Variants in NAV2 observed in about 807,000 individuals in gnomAD.
NAV2 encodes the protein neuron navigator 2.
A neutral mutation model predicts 223.2 loss-of-function variants in NAV2; 54 were observed. The observed-to-expected ratio is 0.24, with a 90% CI of 0.19 to 0.30. NAV2 has a LOEUF of 0.30. NAV2 is among the 10% of genes least tolerant of loss of function. The probability of loss-of-function intolerance (pLI) is 1.00; values close to 1 mark genes in which losing one functional copy is unlikely to be tolerated. For synonymous variants in NAV2, 1,279 were observed against 1,239.3 expected, an observed-to-expected ratio of 1.03 and a Z score of -0.67; for missense variants, 2,806 against 3,147.5, an observed-to-expected ratio of 0.89 and a Z score of 2.60.
chr11:19,949,517 ACT>A (rs921234130), intron 10 of NAV2, among the ~76,000 whole-genome samples: 1 of 151,920 alleles, frequency 6.6e-6, no homozygotes, highest in African/African-American at 2.4e-5. Flanking sequence ...ACAGCCTTGC[ACT>A]CTGTTTCTCA....
chr11:19,907,000 G>C (rs957698693), intron 6 of NAV2, among the ~76,000 whole-genome samples: 3 of 152,346 alleles, frequency 2.0e-5, no homozygotes, highest in Admixed American at 6.5e-5. Context: ...TTTGATGGCT[G>C]TGTGGCTTTG....
At chr11:19,413,818 C>G (rs1166744906) in intron 1 of NAV2, among the ~76,000 whole-genome samples, 1 of 152,116 alleles carries the variant, frequency 6.6e-6, no homozygotes, top group Non-Finnish European at 1.5e-5. Flanking sequence ...TCATATCCAG[C>G]CAAACTAAGC....
intron 1 of NAV2, among the ~76,000 whole-genome samples, chr11:19,418,250 AG>A (rs2133463419): frequency 6.6e-6 from 1 of 152,332 alleles, no homozygotes; most frequent in Non-Finnish European, 1.5e-5. Context: ...CCTATTTGAC[AG>A]GCTGAATGAT....
intron 11 of NAV2, among the ~76,000 whole-genome samples, chr11:20,020,765 C>G (rs1374418569): frequency 1.3e-5 from 2 of 152,090 alleles, no homozygotes; most frequent in Non-Finnish European, 2.9e-5. Flanking sequence ...CCAATGTATC[C>G]TCTCTCCCTC....
At position 19,879,978 on chromosome 11, in the gene NAV2, G is replaced by A. The variant is rs373986249; in HGVS notation, c.621G>A (p.Pro207=). ...AGCAGCACCTCTCCTCACCTCTGCCGCCCGCCGTATCCCAGGTGGCCGGGG... is the reference window on the plus strand; with the variant it reads ...AGCAGCACCTCTCCTCACCTCTGCCACCCGCCGTATCCCAGGTGGCCGGGG... The part of the protein sequence containing the change: ...PQKQHLSSPL[P]PAVSQVAGAP... Residue 207 remains proline (P), a synonymous_variant, in exon 5 of 38, where the codon CCG becomes CCA. Coordinates refer to ENST00000349880, the MANE Select transcript of NAV2 (RefSeq NM_145117.5). The A allele has an allele frequency of 2.9e-5, 46 of 1,603,496 alleles. No homozygotes were observed. Among genetic ancestry groups the A allele is most frequent in the African/African-American group, 2.1e-4 (16 of 74,530 alleles).
chr11:19,557,146 A>G (rs1453249415), intron 1 of NAV2, among the ~76,000 whole-genome samples: 2 of 152,266 alleles, frequency 1.3e-5, no homozygotes, highest in East Asian at 3.8e-4. Context: ...TAAGGCAGTA[A>G]GTGCTCTCAG....
chr11:19,464,768 G>A (rs572811683), intron 1 of NAV2, among the ~76,000 whole-genome samples: 2 of 152,278 alleles, frequency 1.3e-5, no homozygotes, highest in South Asian at 4.1e-4. Flanking sequence ...CGTGCAAAAA[G>A]GTTAGGCCTT....
intron 1 of NAV2, among the ~76,000 whole-genome samples, chr11:19,640,060 A>C (rs183773285): frequency 6.6e-6 from 1 of 152,220 alleles, no homozygotes; most frequent in Non-Finnish European, 1.5e-5. Context: ...GAACGAAGAA[A>C]CCTACTAAGC....
chr11:19,520,081 T>C (rs1352309025), intron 1 of NAV2, among the ~76,000 whole-genome samples: 1 of 152,240 alleles, frequency 6.6e-6, no homozygotes, highest in African/African-American at 2.4e-5. Flanking sequence ...CTGAGGTCCT[T>C]TCTTTGCTGG....
At chr11:19,389,228 T>C (rs760419106) in intron 1 of NAV2, among the ~76,000 whole-genome samples, 33 of 152,162 alleles carry the variant, frequency 2.2e-4, no homozygotes, top group Non-Finnish European at 3.8e-4. Context: ...ATCCACCAGG[T>C]TGTCAATTCA....
At chr11:19,987,863 G>T (rs531546809) in intron 11 of NAV2, among the ~76,000 whole-genome samples, 24 of 152,162 alleles carry the variant, frequency 1.6e-4, no homozygotes, top group Non-Finnish European at 3.4e-4. Context: ...GATCAAAAGG[G>T]ACAAATGGAG....
chr11:19,596,992 T>C (rs1344728616), intron 1 of NAV2, among the ~76,000 whole-genome samples: 2 of 152,212 alleles, frequency 1.3e-5, no homozygotes, highest in Non-Finnish European at 2.9e-5. Context: ...CACACCTAGC[T>C]GGCCCCCCTG....
intron 2 of NAV2, among the ~76,000 whole-genome samples, chr11:19,840,338 T>A (rs2060443225): frequency 6.6e-6 from 1 of 152,206 alleles, no homozygotes; most frequent in Admixed American, 6.5e-5. Context: ...TGACAGACCA[T>A]GAAAAGGAAT....
chr11:19,983,374 A>G (rs2050469260), intron 10 of NAV2, among the ~76,000 whole-genome samples: 1 of 152,242 alleles, frequency 6.6e-6, no homozygotes, highest in South Asian at 2.1e-4. Context: ...TACCAAAAAA[A>G]GAATAAACTA....
chr11:19,494,584 C>T (rs2042733842), intron 1 of NAV2, among the ~76,000 whole-genome samples: 1 of 152,164 alleles, frequency 6.6e-6, no homozygotes, highest in South Asian at 2.1e-4. Flanking sequence ...TGGTGCAAAA[C>T]TTGTGATCTA....
intron 1 of NAV2, among the ~76,000 whole-genome samples, chr11:19,682,206 GGAAAGAAA>G (rs956714528): frequency 6.6e-6 from 1 of 152,120 alleles, no homozygotes; most frequent in Admixed American, 6.5e-5. Context: ...TGGAGAGGGA[GGAAAGAAA>G]GAAAGAAAGA....
intron 1 of NAV2, among the ~76,000 whole-genome samples, chr11:19,462,035 C>T (rs1852184987): frequency 6.6e-6 from 1 of 152,126 alleles, no homozygotes; most frequent in African/African-American, 2.4e-5. Context: ...TCTCGAGCTC[C>T]TGACCTCACG....
intron 1 of NAV2, among the ~76,000 whole-genome samples, chr11:19,818,262 T>A (rs1242626505): frequency 1.4e-4 from 16 of 114,102 alleles, no homozygotes; most frequent in Non-Finnish European, 2.5e-4. Flanking sequence ...TTTTTTTTTT[T>A]ACTCCATCTC....
At chr11:19,763,555 G>A (rs546778256) in intron 1 of NAV2, among the ~76,000 whole-genome samples, 16 of 152,236 alleles carry the variant, frequency 1.1e-4, no homozygotes, top group African/African-American at 1.9e-4. Context: ...CAGTGGCTGC[G>A]GAATTAGAAC....
Sources: allele counts gnomAD v4.1 joint callset (sites outside exome capture counted in the v4.1 genomes callset), GRCh38; gene constraint gnomAD v4.1.1; transcripts MANE v1.5; gene names NCBI Gene and HGNC (gene_info 2026-07-23, HGNC 2026-07-21).